INPP4B: variants seen among roughly 807,000 people sequenced by gnomAD.
The protein encoded by INPP4B is inositol polyphosphate-4-phosphatase type II B.
In INPP4B, 55 loss-of-function variants were observed where a neutral mutation model predicts 122.5. The observed-to-expected ratio is 0.45, with a 90% CI of 0.36 to 0.56. The LOEUF (loss-of-function observed/expected upper bound fraction) is 0.56, where lower values mean the gene tolerates loss of function less well. Among genes scored for constraint, INPP4B ranks in the 20% least tolerant of loss-of-function variants. The probability of loss-of-function intolerance (pLI) is 0.00; values close to 1 mark genes in which losing one functional copy is unlikely to be tolerated. For synonymous variants in INPP4B, 403 were observed against 388.7 expected (o/e 1.04, Z -0.43); for missense variants, 1,000 against 1,097.7 (o/e 0.91, Z 1.26).
chr4:142,255,672 T>C (rs918746157), intron 11 of INPP4B, among the ~76,000 whole-genome samples: 6 of 152,020 alleles, frequency 3.9e-5, no homozygotes, highest in African/African-American at 1.4e-4. Context: ...AATATATATA[T>C]ACCCAATACA....
At chr4:142,241,957 T>C (rs1227549882) in intron 11 of INPP4B, among the ~76,000 whole-genome samples, 1 of 152,232 alleles carries the variant, frequency 6.6e-6, no homozygotes, top group Non-Finnish European at 1.5e-5. Flanking sequence ...TCCAACTTGA[T>C]TGGCTTCAGG....
intron 1 of INPP4B, among the ~76,000 whole-genome samples, chr4:142,811,695 T>C (rs1779534730): frequency 6.6e-6 from 1 of 152,130 alleles, no homozygotes; most frequent in African/African-American, 2.4e-5. Flanking sequence ...ATAAAATAAT[T>C]ATGTTTAAAA....
intron 9 of INPP4B, among the ~76,000 whole-genome samples, chr4:142,284,761 C>T (rs1292261735): frequency 2.0e-5 from 3 of 151,890 alleles, no homozygotes; most frequent in African/African-American, 7.3e-5. Context: ...AACTAGGGGT[C>T]GTGTACCAAA....
At chr4:142,165,874 C>T (rs774840337) in intron 16 of INPP4B, among the ~76,000 whole-genome samples, 7 of 151,710 alleles carry the variant, frequency 4.6e-5, no homozygotes, top group Non-Finnish European at 8.8e-5. Flanking sequence ...ATATCCTCCT[C>T]CACTCTTTTT....
intron 2 of INPP4B, among the ~76,000 whole-genome samples, chr4:142,659,275 A>T (rs1754725333): frequency 6.6e-6 from 1 of 151,628 alleles, no homozygotes; most frequent in Admixed American, 6.6e-5. Context: ...GCGTGGTGGC[A>T]GATGCCTGTA....
At chr4:142,205,201 T>C (rs545675358) in intron 14 of INPP4B, among the ~76,000 whole-genome samples, 136 of 152,266 alleles carry the variant, frequency 8.9e-4, no homozygotes, top group African/African-American at 3.2e-3. Context: ...AATGCCACTT[T>C]GGTCATAGTT....
chr4:142,627,590 C>A (rs1746759408), intron 2 of INPP4B, among the ~76,000 whole-genome samples: 1 of 141,094 alleles, frequency 7.1e-6, no homozygotes. Context: ...GCCTTGCATC[C>A]CAGGGATGAA....
intron 17 of INPP4B, among the ~76,000 whole-genome samples, chr4:142,155,973 CAT>C (rs1452867176): frequency 6.8e-6 from 1 of 146,940 alleles, no homozygotes; most frequent in Non-Finnish European, 1.5e-5. Flanking sequence ...GTTTATGTAA[CAT>C]AAACACATTT....
chr4:142,524,380 T>C (rs2149945052), intron 2 of INPP4B, among the ~76,000 whole-genome samples: 2 of 152,140 alleles, frequency 1.3e-5, no homozygotes, highest in South Asian at 4.2e-4. Flanking sequence ...CTCACTGTGG[T>C]TTTGATTTGC....
chr4:142,328,373 A>G (rs1015728890), intron 7 of INPP4B, among the ~76,000 whole-genome samples: 19 of 152,206 alleles, frequency 1.2e-4, no homozygotes, highest in African/African-American at 4.3e-4. Flanking sequence ...ATTTCAAACC[A>G]TAAGTCAGCC....
chr4:142,119,189 CT>C (rs1200116034), intron 21 of INPP4B, among the ~76,000 whole-genome samples: 1 of 152,158 alleles, frequency 6.6e-6, no homozygotes, highest in Non-Finnish European at 1.5e-5. Flanking sequence ...CACTTTTATA[CT>C]GTTGGTGGGA....
intron 15 of INPP4B, among the ~76,000 whole-genome samples, chr4:142,190,366 G>A (rs983525422): frequency 6.6e-5 from 10 of 152,042 alleles, no homozygotes; most frequent in African/African-American, 2.2e-4. Flanking sequence ...ATACATTGCT[G>A]TTGACTGACG....
intron 2 of INPP4B, among the ~76,000 whole-genome samples, chr4:142,699,715 C>T (rs907785265): frequency 3.3e-5 from 5 of 152,144 alleles, no homozygotes; most frequent in African/African-American, 1.2e-4. Flanking sequence ...CTTCCTATTT[C>T]AGTAAGAAAA....
At chr4:142,198,374 T>C (rs2149416226) in intron 14 of INPP4B, among the ~76,000 whole-genome samples, 1 of 152,166 alleles carries the variant, frequency 6.6e-6, no homozygotes, top group Non-Finnish European at 1.5e-5. Context: ...CATACTTAAA[T>C]TATAAGCAAA....
rs148270450 is a variant in INPP4B, at chr4:142,453,712, T to C, written c.-127+8951A>G. 4.5e-3 allele frequency among the ~76,000 whole-genome samples: 679 copies of C among 152,252 alleles called. 5 individuals carry two copies. The highest frequency in any genetic ancestry group is 0.016 in the African/African-American group (652 of 41,508). On this transcript the variant is annotated intron_variant, in intron 3 of 25. Transcript: ENST00000262992. The stretch of plus-strand genomic sequence containing the variant: ...ATTCTTTTTACCACAAGCAGTTTCC[T>C]TACTCTTCAATATATACACAATCAC...
chr4:142,821,097 G>C (rs963252809), intron 1 of INPP4B, among the ~76,000 whole-genome samples: 7 of 152,022 alleles, frequency 4.6e-5, no homozygotes, highest in African/African-American at 1.7e-4. Flanking sequence ...CAATATGCAG[G>C]CTTGCTCCTT....
chr4:142,408,438 A>G, intron 5 of INPP4B, among the ~76,000 whole-genome samples: 1 of 152,270 alleles, frequency 6.6e-6, no homozygotes, highest in African/African-American at 2.4e-5. Flanking sequence ...CTGTAGTGCC[A>G]GCTACTTGGG....
intron 2 of INPP4B, among the ~76,000 whole-genome samples, chr4:142,550,621 T>TATATATATATATATA (rs371250535): frequency 1.6e-5 from 2 of 126,858 alleles, no homozygotes; most frequent in Non-Finnish European, 3.1e-5. Context: ...TATATATATA[T>TATATATATATATATA]TTTTTTTTTT....
At chr4:142,068,738 C>G (rs1288159066) in intron 25 of INPP4B, among the ~76,000 whole-genome samples, 1 of 152,084 alleles carries the variant, frequency 6.6e-6, no homozygotes, top group Non-Finnish European at 1.5e-5. Context: ...ACAAAGAAGG[C>G]CATTACATAA....
Sources: gnomAD v4.1 joint callset for allele counts (sites outside exome capture counted in the v4.1 genomes callset) on GRCh38, gnomAD v4.1.1 for gene constraint, MANE v1.5 for transcripts, NCBI Gene and HGNC (gene_info 2026-07-23, HGNC 2026-07-21) for gene names.